NTNG1: variants seen among roughly 807,000 people sequenced by gnomAD.
NTNG1 encodes the protein netrin G1.
NTNG1 carries 16 observed loss-of-function variants against 54.0 expected under a neutral mutation model. That is an observed-to-expected ratio of 0.30 (90% CI 0.20 to 0.45). The LOEUF (loss-of-function observed/expected upper bound fraction) is 0.45, where lower values mean the gene tolerates loss of function less well. Among genes scored for constraint, NTNG1 ranks in the 20% least tolerant of loss-of-function variants. NTNG1 has a pLI of 1.00. For synonymous variants in NTNG1, 255 were observed against 263.1 expected, an observed-to-expected ratio of 0.97 and a Z score of 0.30; for missense variants, 530 against 678.7, an observed-to-expected ratio of 0.78 and a Z score of 2.43.
chr1:107,283,516 T>C (rs1235465881), intron 2 of NTNG1, among the ~76,000 whole-genome samples: 1 of 152,196 alleles, frequency 6.6e-6, no homozygotes, highest in Non-Finnish European at 1.5e-5. Flanking sequence ...TTTTCAATTT[T>C]CCAAGTACAT....
intron 6 of NTNG1, among the ~76,000 whole-genome samples, chr1:107,433,661 A>T (rs1478535549): frequency 6.6e-6 from 1 of 152,232 alleles, no homozygotes; most frequent in Non-Finnish European, 1.5e-5. Flanking sequence ...AAGAATGAAT[A>T]GAAAAATTTA....
chr1:107,291,510 T>C (rs1346525411), intron 2 of NTNG1, among the ~76,000 whole-genome samples: 2 of 152,164 alleles, frequency 1.3e-5, no homozygotes, highest in African/African-American at 4.8e-5. Context: ...CCTAGACAAA[T>C]ATGTATGTGT....
chr1:107,333,171 T>A (rs141411399), intron 3 of NTNG1, among the ~76,000 whole-genome samples: 8 of 152,036 alleles, frequency 5.3e-5, no homozygotes, highest in Admixed American at 4.6e-4. Flanking sequence ...AGAGGACAAG[T>A]CATTAGGATT....
At chr1:107,175,270 A>G (rs1347979248) in intron 2 of NTNG1, among the ~76,000 whole-genome samples, 1 of 152,154 alleles carries the variant, frequency 6.6e-6, no homozygotes, top group African/African-American at 2.4e-5. Flanking sequence ...ATCTACTGGT[A>G]TGTTATATCC....
rs1452775547 is a variant in NTNG1, at chr1:107,324,869, G to A, written c.834G>A (p.Glu278=). Reference sequence around the variant, plus strand: ...CCGTTGGGGAAATATTTGTAGATGAGCTACACTTGGCACGCTACTTTTACG... The same window carrying A: ...CCGTTGGGGAAATATTTGTAGATGAACTACACTTGGCACGCTACTTTTACG... The part of the protein sequence containing the change: ...RPAVGEIFVD[E]LHLARYFYAI... The change falls in exon 3 of 8, where the codon GAG becomes GAA. Residue 278 remains glutamate (E), a synonymous_variant. Transcript: ENST00000370068. 4 of 1,613,370 alleles carry A rather than the reference G, an allele frequency of 2.5e-6. No homozygotes were observed. Among genetic ancestry groups the A allele is most frequent in the South Asian group, 1.1e-5 (1 of 91,070 alleles).
chr1:107,230,679 C>T (rs531608324), intron 2 of NTNG1, among the ~76,000 whole-genome samples: 1 of 152,110 alleles, frequency 6.6e-6, no homozygotes, highest in African/African-American at 2.4e-5. Flanking sequence ...CAAAATTTAC[C>T]TTGTGATTTT....
At chr1:107,263,345 C>CT (rs1339408576) in intron 2 of NTNG1, among the ~76,000 whole-genome samples, 111 of 145,540 alleles carry the variant, frequency 7.6e-4, no homozygotes, top group South Asian at 2.2e-3. Flanking sequence ...TCCTTTTTTT[C>CT]TTTTTTTTTC....
At chr1:107,325,521 C>T (rs1667904604) in intron 3 of NTNG1, among the ~76,000 whole-genome samples, 1 of 152,108 alleles carries the variant, frequency 6.6e-6, no homozygotes, top group African/African-American at 2.4e-5. Flanking sequence ...GGGCTCCCTT[C>T]ATCTTGTAGA....
intron 2 of NTNG1, among the ~76,000 whole-genome samples, chr1:107,282,056 G>A (rs1664898968): frequency 6.6e-6 from 1 of 152,098 alleles, no homozygotes; most frequent in African/African-American, 2.4e-5. Flanking sequence ...TTTGGAATAA[G>A]TTTGAGAACT....
intron 1 of NTNG1, among the ~76,000 whole-genome samples, chr1:107,145,512 C>G (rs1654037753): frequency 6.6e-6 from 1 of 152,020 alleles, no homozygotes; most frequent in African/African-American, 2.4e-5. Context: ...TGCTCCTGAT[C>G]TGTAATACGC....
At chr1:107,480,292 G>C (rs1484551513) in intron 7 of NTNG1, among the ~76,000 whole-genome samples, 1 of 152,186 alleles carries the variant, frequency 6.6e-6, no homozygotes, top group African/African-American at 2.4e-5. Flanking sequence ...ACAGGTCCCA[G>C]TTCCATGAAG....
intron 3 of NTNG1, 66 bp downstream of exon 3, chr1:107,324,988 A>C: frequency 2.1e-6 from 3 of 1,452,402 alleles, no homozygotes; most frequent in Non-Finnish European, 2.8e-6. Flanking sequence ...AGAGTGTCTC[A>C]CAGCTGTAAA....
At chr1:107,313,874 A>T (rs1386230990) in intron 2 of NTNG1, among the ~76,000 whole-genome samples, 1 of 152,086 alleles carries the variant, frequency 6.6e-6, no homozygotes. Context: ...CTCTCATGTT[A>T]TTAAATTCAC....
At chr1:107,199,354 A>G (rs1357706844) in intron 2 of NTNG1, among the ~76,000 whole-genome samples, 2 of 151,266 alleles carry the variant, frequency 1.3e-5, no homozygotes, top group Non-Finnish European at 2.9e-5. Flanking sequence ...AAAAAATGCT[A>G]TAGTGAGACT....
chr1:107,226,722 T>G (rs1434232611), intron 2 of NTNG1, among the ~76,000 whole-genome samples: 1 of 152,122 alleles, frequency 6.6e-6, no homozygotes, highest in African/African-American at 2.4e-5. Flanking sequence ...AAGGATTCCC[T>G]CAGTTATTAC....
intron 2 of NTNG1, among the ~76,000 whole-genome samples, chr1:107,180,616 G>A (rs1050165754): frequency 6.6e-6 from 1 of 152,058 alleles, no homozygotes; most frequent in Non-Finnish European, 1.5e-5. Context: ...AAATAAAAAT[G>A]TTCTCTAGGT....
chr1:107,420,971 A>C, intron 5 of NTNG1: 1 of 732,560 alleles, frequency 1.4e-6, no homozygotes, highest in Non-Finnish European at 2.4e-6. Flanking sequence ...CAACAGATAC[A>C]AATAGTCTCT....
rs1570702008 is a variant in NTNG1 at position 107,333,988 on chromosome 1, A to G, written c.887+9066A>G. The G allele has an allele frequency of 2.0e-5, 3 of 152,082 alleles. No individual in the cohort carries two copies. In the South Asian group the frequency reaches 6.2e-4, roughly 31 times the overall value. The allele number at this position is 152,082 out of a possible 1,614,324, so 9.4% of individuals were successfully genotyped here. ...GATGGAAGAGTCAGCAAAGATGTGA[A>G]AAATGAAATGCCAAGTGGTACAATC... On this transcript the variant is annotated intron_variant, in intron 3 of 7. Coordinates refer to ENST00000370068, the MANE Select transcript of NTNG1 (RefSeq NM_001113226.3).
intron 2 of NTNG1, among the ~76,000 whole-genome samples, chr1:107,278,551 C>T (rs1343837615): frequency 1.3e-5 from 2 of 152,086 alleles, no homozygotes; most frequent in Non-Finnish European, 2.9e-5. Context: ...GTCTTTTATT[C>T]ATTGAATTTC....
Sources: gnomAD v4.1 joint callset for allele counts (sites outside exome capture counted in the v4.1 genomes callset) on GRCh38, gnomAD v4.1.1 for gene constraint, MANE v1.5 for transcripts, NCBI Gene and HGNC (gene_info 2026-07-23, HGNC 2026-07-21) for gene names.